Variants in SLC25A24 observed in about 807,000 individuals in gnomAD.
The protein encoded by SLC25A24 is mitochondrial adenyl nucleotide antiporter SLC25A24.
In SLC25A24, 49 loss-of-function variants were observed where a neutral mutation model predicts 60.7. The ratio of observed to expected loss-of-function variants is 0.81; its 90% CI spans 0.64 to 1.02. The LOEUF (loss-of-function observed/expected upper bound fraction) is 1.02. Ranked by LOEUF, SLC25A24 falls within the 50% of genes least tolerant of loss-of-function variation. SLC25A24 has a pLI of 0.00. For missense variants in SLC25A24, 564 were observed against 586.3 expected (o/e 0.96, Z 0.39); for synonymous variants, 202 against 200.6 (o/e 1.01, Z -0.06).
In SLC25A24 at chr1:108,185,825, C is replaced by A. The variant is rs1648105426; in HGVS notation, c.310+3G>T. On this transcript the variant is annotated splice_donor_region_variant and intron_variant, in intron 2 of 9. Coordinates refer to ENST00000565488, the MANE Select transcript of SLC25A24 (RefSeq NM_013386.5). ...TGGTGATAAATACAAAAGAAAGACA[C>A]ACCATCATTATTTTTGTCTAAACTC... 2 of 1,582,680 alleles carry A rather than the reference C, an allele frequency of 1.3e-6. No individual in the cohort carries two copies. Among genetic ancestry groups the A allele is most frequent in the Non-Finnish European group, 8.6e-7 (1 of 1,158,256 alleles).
rs491785 is a variant in SLC25A24 at position 108,182,071 on chromosome 1, G to A, written c.311-43C>T. On this transcript the variant is annotated intron_variant, in intron 2 of 9. Coordinates refer to ENST00000565488, the MANE Select transcript of SLC25A24 (RefSeq NM_013386.5). Reference sequence around the variant, plus strand: ...GGGCAAAAAATAAAACTCAGAACTGGTAAGAACCACAGAAATTATGAATTT... The same window carrying A: ...GGGCAAAAAATAAAACTCAGAACTGATAAGAACCACAGAAATTATGAATTT... 844,256 of 1,242,256 alleles carry A rather than the reference G, an allele frequency of 0.68. 289,157 individuals carry two copies. Among genetic ancestry groups the A allele is most frequent in the African/African-American group, 0.86 (57,922 of 66,986 alleles). The allele number at this position is 1,242,256 out of a possible 1,614,324, so 77.0% of individuals were successfully genotyped here.
intron 8 of SLC25A24, among the ~76,000 whole-genome samples, chr1:108,141,505 C>T (rs1200948418): frequency 6.6e-6 from 1 of 152,094 alleles, no homozygotes; most frequent in African/African-American, 2.4e-5. Flanking sequence ...CCAGAAATTC[C>T]ACTTCTGAGT....
chr1:108,152,585 G>A (rs1200320555), intron 6 of SLC25A24, among the ~76,000 whole-genome samples: 1 of 152,156 alleles, frequency 6.6e-6, no homozygotes, highest in Non-Finnish European at 1.5e-5. Flanking sequence ...TTGAACTCCT[G>A]GGCTCAAGCA....
Position 108,136,722 on chromosome 1 carries a change from G to A in SLC25A24, c.1365C>T (p.Leu455=), listed in dbSNP as rs756247539. The A allele has an allele frequency of 2.5e-6, 4 of 1,614,088 alleles. No homozygotes were observed. The South Asian group carries it at 3.3e-5, about 13-fold the overall frequency. The change falls in exon 10 of 10, where the codon CTC becomes CTT. Residue 455 remains leucine, a synonymous_variant. Transcript: ENST00000565488. ...RGITPNFMKV[L]PAVGISYVVY... is the part of the protein sequence containing the mutation. Reference sequence around the variant, plus strand: ...CCACATAACTGATGCCTACAGCAGGGAGCACCTTCATGAAGTTTGGGGTGA... The same window carrying A: ...CCACATAACTGATGCCTACAGCAGGAAGCACCTTCATGAAGTTTGGGGTGA...
At chr1:108,173,375 G>A (rs1266649702) in intron 3 of SLC25A24, among the ~76,000 whole-genome samples, 2 of 152,120 alleles carry the variant, frequency 1.3e-5, no homozygotes, top group Non-Finnish European at 2.9e-5. Context: ...TCTTTGCTCA[G>A]CACTTCTTCT....
intron 3 of SLC25A24, among the ~76,000 whole-genome samples, chr1:108,163,566 G>A (rs974330335): frequency 3.9e-5 from 6 of 152,006 alleles, no homozygotes; most frequent in South Asian, 2.1e-4. Flanking sequence ...AATTGTGAAC[G>A]GGAGTTCACT....
intron 7 of SLC25A24, among the ~76,000 whole-genome samples, chr1:108,147,404 A>C (rs1679633953): frequency 6.6e-6 from 1 of 152,008 alleles, no homozygotes; most frequent in African/African-American, 2.4e-5. Flanking sequence ...TCGTGTCTCT[A>C]TCTCCTTCAG....
intron 7 of SLC25A24, among the ~76,000 whole-genome samples, chr1:108,145,226 G>A (rs1466344149): frequency 6.6e-6 from 1 of 152,172 alleles, no homozygotes; most frequent in Non-Finnish European, 1.5e-5. Flanking sequence ...CTTATGAGAA[G>A]TGTCTGTTCA....
rs532485349 is a variant in SLC25A24 at position 108,180,616 on chromosome 1, A to ATCCCTCTCTCTCTC, written c.398+1324_398+1325insGAGAGAGAGAGGGA. Among the ~76,000 whole-genome samples the ATCCCTCTCTCTCTC allele has an allele frequency of 3.2e-3, 200 of 61,788 alleles. 9 individuals are homozygous for ATCCCTCTCTCTCTC. The highest frequency in any genetic ancestry group is 0.013 in the African/African-American group (195 of 14,512). The allele number at this position is 61,788 out of a possible 152,430, so 40.5% of individuals were successfully genotyped here. ...CCTTATAATAGAAAGCAAGAGAAAG[A>ATCCCTCTCTCTCTC]TCTCTCTCTCTCTCTCTCTCTCTCT... On this transcript the variant is annotated intron_variant, in intron 3 of 9. Coordinates refer to ENST00000565488, the MANE Select transcript of SLC25A24 (RefSeq NM_013386.5).
At chr1:108,155,765 A>G (rs1012938951) in intron 5 of SLC25A24, among the ~76,000 whole-genome samples, 8 of 152,218 alleles carry the variant, frequency 5.3e-5, no homozygotes, top group Middle Eastern at 3.4e-3. Context: ...TACAACATGT[A>G]CCCATCCTGT....
chr1:108,138,179 T>A (rs1319866369), intron 9 of SLC25A24, among the ~76,000 whole-genome samples: 1 of 152,182 alleles, frequency 6.6e-6, no homozygotes, highest in Non-Finnish European at 1.5e-5. Context: ...TAACGTCTTC[T>A]CTACTCTACA....
At chr1:108,156,922 C>T (rs1186039750) in intron 5 of SLC25A24, among the ~76,000 whole-genome samples, 3 of 152,186 alleles carry the variant, frequency 2.0e-5, no homozygotes, top group Non-Finnish European at 2.9e-5. Context: ...CACTGGGCTG[C>T]TGCAAGGATT....
intron 3 of SLC25A24, among the ~76,000 whole-genome samples, chr1:108,181,251 T>C (rs780962191): frequency 2.0e-4 from 30 of 152,144 alleles, no homozygotes; most frequent in Non-Finnish European, 3.4e-4. Context: ...TTTTAGACAA[T>C]GTGAGGACTG....
chr1:108,178,531 C>A (rs61799376), intron 3 of SLC25A24, among the ~76,000 whole-genome samples: 11,010 of 152,078 alleles, frequency 0.072, 496 homozygotes, highest in Middle Eastern at 0.13. Flanking sequence ...AACTAGAAAT[C>A]AGGCCAGGCG....
intron 5 of SLC25A24, among the ~76,000 whole-genome samples, chr1:108,155,436 T>C (rs1679870255): frequency 6.6e-6 from 1 of 151,916 alleles, no homozygotes; most frequent in Middle Eastern, 3.2e-3. Flanking sequence ...ATTAACTAAA[T>C]TATGTATCAG....
At chr1:108,155,387 G>C (rs1435193226) in intron 5 of SLC25A24, among the ~76,000 whole-genome samples, 2 of 151,910 alleles carry the variant, frequency 1.3e-5, no homozygotes, top group Non-Finnish European at 2.9e-5. Context: ...GAGAAGACAA[G>C]AAGAGTATTA....
intron 3 of SLC25A24, among the ~76,000 whole-genome samples, chr1:108,171,891 G>A (rs1384029042): frequency 6.6e-6 from 1 of 152,136 alleles, no homozygotes; most frequent in Non-Finnish European, 1.5e-5. Context: ...AAGTAGAGTA[G>A]AATTAAGAGT....
chr1:108,152,157 T>A (rs1201482323), intron 6 of SLC25A24, among the ~76,000 whole-genome samples: 1 of 152,146 alleles, frequency 6.6e-6, no homozygotes, highest in East Asian at 1.9e-4. Flanking sequence ...GCCCCTACCA[T>A]ATTCAGAATA....
At position 108,136,945 on chromosome 1, in the gene SLC25A24, C is replaced by G. The variant is rs952497421; in HGVS notation, c.1250-108G>C. On this transcript the variant is annotated intron_variant, in intron 9 of 9. Coordinates refer to ENST00000565488, the MANE Select transcript of SLC25A24 (RefSeq NM_013386.5). ...ATTCTAAAATACAGTAAAAGGACAA[C>G]ATTTATTCCAAGAAGCCCAAGACAA... 1.4e-5 allele frequency: 15 copies of G among 1,062,050 alleles called. No individual in the cohort carries two copies. The African/African-American group carries it at 2.4e-4, about 17-fold the overall frequency. The allele number at this position is 1,062,050 out of a possible 1,614,324, so 65.8% of individuals were successfully genotyped here.
Sources: gnomAD v4.1 joint callset for allele counts (sites outside exome capture counted in the v4.1 genomes callset) on GRCh38, gnomAD v4.1.1 for gene constraint, MANE v1.5 for transcripts, NCBI Gene and HGNC (gene_info 2026-07-23, HGNC 2026-07-21) for gene names.